The following KLF2 variants were observed in gnomAD, a reference collection of about 807,000 sequenced individuals.
KLF2 encodes the protein KLF transcription factor 2, also known as Krueppel-like factor 2.
A neutral mutation model predicts 22.2 loss-of-function variants in KLF2; 9 were observed. That is an observed-to-expected ratio of 0.40 (90% CI 0.24 to 0.71). The LOEUF (loss-of-function observed/expected upper bound fraction) is 0.71, where lower values mean the gene tolerates loss of function less well. Ranked by LOEUF, KLF2 falls within the 30% of genes least tolerant of loss-of-function variation. The pLI is 0.35. For synonymous variants in KLF2, 299 were observed against 264.2 expected (o/e 1.13, Z -1.28); for missense variants, 481 against 542.1 (o/e 0.89, Z 1.12).
chr19:16,327,314 C>G lies in KLF2; in HGVS notation c.*283C>G. Reference sequence around the variant, plus strand: ...GGCATCTTCTCTCCCACCGGGTCTACACTAGAGGATCGAGGCTTGTGATGC... The same window carrying G: ...GGCATCTTCTCTCCCACCGGGTCTAGACTAGAGGATCGAGGCTTGTGATGC... On this transcript the variant is annotated 3_prime_UTR_variant, in exon 3 of 3. Coordinates refer to ENST00000248071, the MANE Select transcript of KLF2 (RefSeq NM_016270.4). The G allele has an allele frequency of 2.6e-6, 1 of 380,288 alleles. No individual in the cohort carries two copies. The highest frequency in any genetic ancestry group is 4.0e-5 in the South Asian group (1 of 25,276). 23.6% of individuals were successfully genotyped at this position (380,288 alleles called of 1,614,324 possible).
In KLF2 at chr19:16,325,241, C is replaced by T; in HGVS notation, c.101C>T (p.Ser34Phe). 3 of 1,537,674 alleles carry T rather than the reference C, an allele frequency of 2.0e-6. No individual in the cohort carries two copies. Among genetic ancestry groups the T allele is most frequent in the Non-Finnish European group, 2.6e-6 (3 of 1,146,926 alleles). The change falls in exon 2 of 3, where the codon TCC becomes TTC. Residue 34 changes from serine to phenylalanine, a missense_variant. Coordinates refer to ENST00000248071, the MANE Select transcript of KLF2 (RefSeq NM_016270.4). ...CGCTGGCCGCGCGCCGAACCCGAGT[C>T]CGGCGGCACCGACGACGACCTCAAC... ...QERWPRAEPE[S>F]GGTDDDLNSV...
In KLF2 at chr19:16,324,860, G is replaced by A. The variant is rs2091882720; in HGVS notation, c.-64G>A. 3.6e-6 allele frequency: 5 copies of A among 1,407,694 alleles called. No homozygotes were observed. The highest frequency in any genetic ancestry group is 4.9e-6 in the Non-Finnish European group (5 of 1,029,508). 87.2% of individuals were successfully genotyped at this position (1,407,694 alleles called of 1,614,324 possible). On this transcript the variant is annotated 5_prime_UTR_variant, in exon 1 of 3. Coordinates refer to ENST00000248071, the MANE Select transcript of KLF2 (RefSeq NM_016270.4). ...TCCCCGCCCGCCCGCGCCCCGACCAGCCCGGCCTCGGGCAGCCACTCACCG... is the reference window on the plus strand; with the variant it reads ...TCCCCGCCCGCCCGCGCCCCGACCAACCCGGCCTCGGGCAGCCACTCACCG...
chr19:16,328,350 C>A lies in KLF2; in HGVS notation c.*1319C>A, dbSNP rs2091896306. Among the ~76,000 whole-genome samples, 1 of 152,068 alleles carries A rather than the reference C, an allele frequency of 6.6e-6. No individual in the cohort carries two copies. Among genetic ancestry groups the A allele is most frequent in the Admixed American group, 6.6e-5 (1 of 15,248 alleles). On this transcript the variant is annotated 3_prime_UTR_variant, in exon 3 of 3. Transcript: ENST00000248071. ...AGCAGAGGAGACCCCTAAATCCCAC[C>A]ACCCCAAGTGTCTCAGGCAAGGAGG...
At chr19:16,325,157 G>A (rs2091884273) in intron 1 of KLF2, 59 bp from the exon 2 acceptor site, 1 of 1,369,990 alleles carries the variant, frequency 7.3e-7, no homozygotes, top group Non-Finnish European at 9.7e-7. Context: ...GTGGTAAAAG[G>A]CAAGCAGCGC....
rs1294162267 is a variant in KLF2 at position 16,325,957 on chromosome 19, A to G, written c.817A>G (p.Thr273Ala). The part of the protein sequence containing the change: ...SWPRKRTATH[T>A]CSYAGCGKTY... ...GCCCCGCAAACGCACCGCCACTCACACCTGCAGCTACGCGGGCTGCGGCAA... is the reference window on the plus strand; with the variant it reads ...GCCCCGCAAACGCACCGCCACTCACGCCTGCAGCTACGCGGGCTGCGGCAA... The change falls in exon 2 of 3, where the codon ACC becomes GCC. Residue 273 changes from threonine (T) to alanine (A), a missense_variant. Thr to Ala is a moderately conservative substitution (Grantham distance 58). Transcript: ENST00000248071. The G allele has an allele frequency of 1.9e-6, 3 of 1,545,032 alleles. No homozygotes were observed. The Admixed American group carries it at 5.9e-5, about 30-fold the overall frequency.
At chr19:16,326,773 G>A in intron 2 of KLF2, 83 bp from the exon 3 acceptor site, 1 of 1,406,074 alleles carries the variant, frequency 7.1e-7, no homozygotes, top group South Asian at 1.2e-5. Context: ...CCCTGGTTAG[G>A]GATAGGTTGC....
rs374702432 is a variant in KLF2 at position 16,325,135 on chromosome 19, C to A, written c.76-81C>A. On this transcript the variant is annotated intron_variant, in intron 1 of 2. Transcript: ENST00000248071. ...AGAGGAGGATGCGGGCCACGGGGAT[C>A]GCGGACTTAGGGTGGTAAAAGGCAA... 1.9e-4 allele frequency: 251 copies of A among 1,322,822 alleles called. 2 individuals carry two copies. The East Asian group carries it at 4.2e-3, about 22-fold the overall frequency. The allele number at this position is 1,322,822 out of a possible 1,614,324, so 81.9% of individuals were successfully genotyped here. A position where few individuals can be genotyped will look rare whatever the true frequency, so the allele number is the denominator to read the frequency against.
Position 16,325,942 on chromosome 19 carries a change from C to T in KLF2, c.802C>T (p.Arg268Cys), listed in dbSNP as rs749281326. 1 of 1,532,830 alleles carries T rather than the reference C, an allele frequency of 6.5e-7. No homozygotes were observed. The highest frequency in any genetic ancestry group is 1.2e-5 in the South Asian group (1 of 83,476). 95.0% of individuals were successfully genotyped at this position (1,532,830 alleles called of 1,614,324 possible). A position where few individuals can be genotyped will look rare whatever the true frequency, so the allele number is the denominator to read the frequency against. ...KRGRRSWPRK[R>C]TATHTCSYAG... ...CGGCCGCCGCTCTTGGCCCCGCAAACGCACCGCCACTCACACCTGCAGCTA... is the reference window on the plus strand; with the variant it reads ...CGGCCGCCGCTCTTGGCCCCGCAAATGCACCGCCACTCACACCTGCAGCTA... Residue 268 changes from arginine (R) to cysteine (C), a missense_variant, in exon 2 of 3, where the codon CGC becomes TGC. Physicochemically the swap from Arg to Cys is radical, Grantham distance 180. Coordinates refer to ENST00000248071, the MANE Select transcript of KLF2 (RefSeq NM_016270.4).
Position 16,325,464 on chromosome 19 carries a change from G to C in KLF2, c.324G>C (p.Leu108=). 7.2e-7 allele frequency: 1 copy of C among 1,385,854 alleles called. No individual in the cohort carries two copies. The highest frequency in any genetic ancestry group is 9.3e-7 in the Non-Finnish European group (1 of 1,074,546). 85.8% of individuals were successfully genotyped at this position (1,385,854 alleles called of 1,614,324 possible). The part of the protein sequence containing the change: ...PELDAPLGPA[L]HGRFLLAPPG... ...TGGATGCGCCGCTGGGGCCCGCACT[G>C]CACGGCCGCTTTCTGCTGGCGCCGC... Residue 108 remains leucine (L), a synonymous_variant, in exon 2 of 3, where the codon CTG becomes CTC. Transcript: ENST00000248071.
intron 2 of KLF2, among the ~76,000 whole-genome samples, chr19:16,326,569 G>A (rs1254709051): frequency 1.3e-5 from 2 of 152,028 alleles, no homozygotes; most frequent in Non-Finnish European, 2.9e-5. Flanking sequence ...AACCTTGAGA[G>A]ATTCCGTGTC....
Position 16,327,249 on chromosome 19 carries a change from T to G in KLF2, c.*218T>G, listed in dbSNP as rs2091893182. The G allele has an allele frequency of 8.6e-6, 4 of 467,786 alleles. No individual in the cohort carries two copies. The South Asian group carries it at 8.8e-5, about 10-fold the overall frequency. The allele number at this position is 467,786 out of a possible 1,614,324, so 29.0% of individuals were successfully genotyped here. ...GGTGGGAAAAGACCACGATCCTCCT[T>G]GACGAGTTTTGTTTTTCAAAATGGT... On this transcript the variant is annotated 3_prime_UTR_variant, in exon 3 of 3. Transcript: ENST00000248071.
At position 16,327,108 on chromosome 19, in the gene KLF2, C is replaced by A; in HGVS notation, c.*77C>A. On this transcript the variant is annotated 3_prime_UTR_variant, in exon 3 of 3. Coordinates refer to ENST00000248071, the MANE Select transcript of KLF2 (RefSeq NM_016270.4). ...GGCGCGGCCCCCTCCCAAACTGTGA[C>A]TGGTATTTATTGGACCCAGAGAACC... 1 of 1,361,026 alleles carries A rather than the reference C, an allele frequency of 7.3e-7. No individual in the cohort carries two copies. Among genetic ancestry groups the A allele is most frequent in the Non-Finnish European group, 9.8e-7 (1 of 1,022,116 alleles). 84.3% of individuals were successfully genotyped at this position (1,361,026 alleles called of 1,614,324 possible). A position where few individuals can be genotyped will look rare whatever the true frequency, so the allele number is the denominator to read the frequency against.
intron 1 of KLF2, 22 bp downstream of exon 1, chr19:16,325,020 G>A (rs1273233520): frequency 3.2e-6 from 5 of 1,554,958 alleles, no homozygotes; most frequent in Non-Finnish European, 4.3e-6. Context: ...GGGGACGGCG[G>A]GGCGGCCGGG....
At position 16,325,338 on chromosome 19, in the gene KLF2, GCCGCCC is replaced by G. The variant is rs1568375137; in HGVS notation, c.204_209del (p.Pro70_Pro71del). The G allele has an allele frequency of 1.4e-6, 2 of 1,465,510 alleles. No homozygotes were observed. The highest frequency in any genetic ancestry group is 1.3e-5 in the South Asian group (1 of 76,168). 90.8% of individuals were successfully genotyped at this position (1,465,510 alleles called of 1,614,324 possible). A position where few individuals can be genotyped will look rare whatever the true frequency, so the allele number is the denominator to read the frequency against. ...CCGAGGCCGCCCCGGAGCCGCCGCCGCCGCCCCCGCCGCCTGCGTTCTATTACCCCG... is the reference window on the plus strand; with the variant it reads ...CCGAGGCCGCCCCGGAGCCGCCGCCGCCGCCGCCTGCGTTCTATTACCCCG... On this transcript the variant is annotated inframe_deletion, in exon 2 of 3. Transcript: ENST00000248071.
Position 16,326,963 on chromosome 19 carries a change from T to C in KLF2, c.1000T>C (p.Cys334Arg). The change falls in exon 3 of 3, where the codon TGC becomes CGC. Residue 334 changes from cysteine (C) to arginine (R), a missense_variant. This residue lies in a region of KLF2 where 60 missense variants were observed against 107.0 expected (regional missense o/e 0.56). Transcript: ENST00000248071. ...GCACACGGGCCACCGGCCATTCCAG[T>C]GCCATCTGTGCGATCGTGCCTTCTC... ...RKHTGHRPFQ[C>R]HLCDRAFSRS... is the part of the protein sequence containing the mutation. 1 of 1,613,534 alleles carries C rather than the reference T, an allele frequency of 6.2e-7. No individual in the cohort carries two copies. The highest frequency in any genetic ancestry group is 8.5e-7 in the Non-Finnish European group (1 of 1,179,934).
rs2091892775 is a variant in KLF2 at position 16,327,133 on chromosome 19, C to T, written c.*102C>T. 15 of 1,185,074 alleles carry T rather than the reference C, an allele frequency of 1.3e-5. No individual in the cohort carries two copies. The South Asian group carries it at 1.9e-4, about 15-fold the overall frequency. 73.4% of individuals were successfully genotyped at this position (1,185,074 alleles called of 1,614,324 possible). ...CTGGTATTTATTGGACCCAGAGAAC[C>T]GGGCCGGGCACAGCGTGGCTACAGA... On this transcript the variant is annotated 3_prime_UTR_variant, in exon 3 of 3. Transcript: ENST00000248071.
rs772363771 is a variant in KLF2 at position 16,326,044 on chromosome 19, G to T, written c.892+12G>T. The T allele has an allele frequency of 4.5e-6, 7 of 1,538,932 alleles. No homozygotes were observed. The South Asian group carries it at 8.3e-5, about 18-fold the overall frequency. ...GCGCACGCACACAGGTGGGCGGCACGCACGAGCCAGGAGCGCAGGCGGGGG... is the reference window on the plus strand; with the variant it reads ...GCGCACGCACACAGGTGGGCGGCACTCACGAGCCAGGAGCGCAGGCGGGGG... On this transcript the variant is annotated intron_variant, in intron 2 of 2. Transcript: ENST00000248071.
Position 16,328,097 on chromosome 19 carries a change from G to A in KLF2, c.*1066G>A, listed in dbSNP as rs2091895567. ...GAAGCTCTTTTCCAGATGAGGAAAC[G>A]GAGGCCCGGAGAGGTAGCGGCAGGG... On this transcript the variant is annotated 3_prime_UTR_variant, in exon 3 of 3. Coordinates refer to ENST00000248071, the MANE Select transcript of KLF2 (RefSeq NM_016270.4). Among the ~76,000 whole-genome samples, 9 of 152,110 alleles carry A rather than the reference G, an allele frequency of 5.9e-5. 1 individual carries two copies. The South Asian group carries it at 1.9e-3, about 32-fold the overall frequency.
In KLF2 at chr19:16,324,993, C is replaced by T; in HGVS notation, c.70C>T (p.Gln24Ter). The change falls in exon 1 of 3, where the codon CAG becomes TAG. Residue 24 changes from glutamine to a stop codon, truncating the protein, a stop_gained. Coordinates refer to ENST00000248071, the MANE Select transcript of KLF2 (RefSeq NM_016270.4). LOFTEE classifies it high-confidence loss of function. ...FASPCRERGLQERWPRAEPES... is the reference protein window; with the variant it reads ...FASPCRERGL ...CAGCCCGTGCCGCGAGCGCGGCCTG[C>T]AGGAGGTGAGGGCGGCGGGGACGGC... The T allele has an allele frequency of 6.3e-7, 1 of 1,596,470 alleles. No homozygotes were observed. The highest frequency in any genetic ancestry group is 8.5e-7 in the Non-Finnish European group (1 of 1,172,954).
Sources: allele counts gnomAD v4.1 joint callset (sites outside exome capture counted in the v4.1 genomes callset), GRCh38; gene constraint gnomAD v4.1.1; regional missense constraint gnomAD v4.1.1; transcripts MANE v1.5; gene names NCBI Gene and HGNC (gene_info 2026-07-23, HGNC 2026-07-21).